IFT81: variants seen among roughly 807,000 people sequenced by gnomAD.
The protein encoded by IFT81 is intraflagellar transport 81, also known as intraflagellar transport protein 81 homolog.
IFT81 carries 72 observed loss-of-function variants against 102.6 expected under a neutral mutation model. The ratio of observed to expected loss-of-function variants is 0.70; its 90% confidence interval spans 0.58 to 0.85. The LOEUF (loss-of-function observed/expected upper bound fraction) is 0.85, where lower values mean the gene tolerates loss of function less well. Ranked by LOEUF, IFT81 falls within the 40% of genes least tolerant of loss-of-function variation. The pLI is 0.00. For missense variants in IFT81, 723 were observed against 787.3 expected, an observed-to-expected ratio of 0.92 and a Z score of 0.98; for synonymous variants, 237 against 242.7, an observed-to-expected ratio of 0.98 and a Z score of 0.22.
chr12:110,179,773 T>TACACACACAC lies in IFT81; in HGVS notation c.1189-625_1189-616dup, dbSNP rs34207126. On this transcript the variant is annotated intron_variant, in intron 11 of 18. Transcript: ENST00000242591. Reference sequence around the variant, plus strand: ...ATATATATATATATATATATATATATACACACACACACACACACACACACA... The same window carrying TACACACACAC: ...ATATATATATATATATATATATATATACACACACACACACACACACACACACACACACACA... Among the ~76,000 whole-genome samples the TACACACACAC allele has an allele frequency of 0.014, 703 of 50,300 alleles. 46 individuals carry two copies. The East Asian group carries it at 0.15, about 11-fold the overall frequency. 33.0% of individuals were successfully genotyped at this position (50,300 alleles called of 152,430 possible).
At chr12:110,210,102 C>T (rs1259336060) in intron 18 of IFT81, among the ~76,000 whole-genome samples, 3 of 152,080 alleles carry the variant, frequency 2.0e-5, no homozygotes, top group Non-Finnish European at 4.4e-5. Flanking sequence ...CTTCATAAAG[C>T]AACCAATTTA....
chr12:110,214,688 G>A (rs576431875), intron 18 of IFT81, among the ~76,000 whole-genome samples: 5 of 152,238 alleles, frequency 3.3e-5, no homozygotes, highest in African/African-American at 1.2e-4. Context: ...AAACACACAT[G>A]GTTATGAAGC....
At chr12:110,209,938 G>C (rs1314355194) in intron 18 of IFT81, among the ~76,000 whole-genome samples, 1 of 152,054 alleles carries the variant, frequency 6.6e-6, no homozygotes, top group Non-Finnish European at 1.5e-5. Flanking sequence ...GAGATGCTCA[G>C]CTCCCTCCTG....
chr12:110,153,181 T>C (rs1895638571), intron 10 of IFT81, among the ~76,000 whole-genome samples: 1 of 152,226 alleles, frequency 6.6e-6, no homozygotes, highest in Non-Finnish European at 1.5e-5. Flanking sequence ...TAGGAAGTTA[T>C]GCTACTCTTC....
At chr12:110,194,523 C>T (rs1337946847) in intron 14 of IFT81, among the ~76,000 whole-genome samples, 1 of 152,034 alleles carries the variant, frequency 6.6e-6, no homozygotes, top group African/African-American at 2.4e-5. Context: ...GTCCTCCCAC[C>T]TCAGGCTTCC....
intron 11 of IFT81, among the ~76,000 whole-genome samples, chr12:110,179,767 T>TAC (rs1201027708): frequency 1.5e-3 from 100 of 66,736 alleles, no homozygotes; most frequent in African/African-American, 2.5e-3. Flanking sequence ...TATATATATA[T>TAC]ATATATACAC....
At chr12:110,215,453 C>CT (rs556887393) in intron 18 of IFT81, among the ~76,000 whole-genome samples, 2,545 of 61,780 alleles carry the variant, frequency 0.041, 842 homozygotes, top group African/African-American at 0.092. Flanking sequence ...TCTTCTTCTT[C>CT]TTTTTTTTTT....
rs555776141 is a variant in IFT81, at chr12:110,154,627, A to G, written c.1041+7579A>G. Among the ~76,000 whole-genome samples, 5 of 146,820 alleles carry G rather than the reference A, an allele frequency of 3.4e-5. No homozygotes were observed. In the South Asian group the frequency reaches 1.1e-3, roughly 32 times the overall value. On this transcript the variant is annotated intron_variant, in intron 10 of 18. Coordinates refer to ENST00000242591, the MANE Select transcript of IFT81 (RefSeq NM_014055.4). ...GGGTGACAGAGCAAGACTCTGTCTC[A>G]CAAAAAAAAAAAAAAAAGAAAAAGA...
At chr12:110,128,022 T>A in intron 2 of IFT81, 24 bp from the exon 3 acceptor site, 2 of 1,487,500 alleles carry the variant, frequency 1.3e-6, no homozygotes, top group Admixed American at 1.7e-5. Context: ...AACAATAACA[T>A]GTTTTTTTCA....
intron 18 of IFT81, among the ~76,000 whole-genome samples, chr12:110,213,468 G>C (rs935656478): frequency 2.0e-5 from 3 of 152,168 alleles, no homozygotes; most frequent in African/African-American, 7.2e-5. Context: ...TTCATAGATG[G>C]TGGTATGTGC....
chr12:110,202,457 CT>C (rs1472257322), intron 14 of IFT81, among the ~76,000 whole-genome samples: 320 of 144,122 alleles, frequency 2.2e-3, no homozygotes, highest in Middle Eastern at 3.6e-3. Flanking sequence ...GTGATTCCAC[CT>C]TTTTTTTTTT....
At chr12:110,146,870 A>G in intron 9 of IFT81, 83 bp from the exon 10 acceptor site, 1 of 1,392,996 alleles carries the variant, frequency 7.2e-7, no homozygotes, top group Non-Finnish European at 9.4e-7. Flanking sequence ...ATAAATTCAA[A>G]GCTGGTTTGG....
At chr12:110,162,293 A>G (rs1896174910) in intron 10 of IFT81, 1 of 148,948 alleles carries the variant, frequency 6.7e-6, no homozygotes, top group Non-Finnish European at 1.5e-5. Context: ...TATTTTCATT[A>G]GCATTTGAGT....
chr12:110,148,858 G>C (rs1895368493), intron 10 of IFT81, among the ~76,000 whole-genome samples: 1 of 152,114 alleles, frequency 6.6e-6, no homozygotes, highest in Non-Finnish European at 1.5e-5. Flanking sequence ...CAGGGTACAT[G>C]CTTTGTTTTT....
chr12:110,183,476 T>G (rs1897392526), intron 12 of IFT81, among the ~76,000 whole-genome samples: 1 of 152,178 alleles, frequency 6.6e-6, no homozygotes, highest in Admixed American at 6.5e-5. Context: ...CCCATGCTAT[T>G]TGGCTCATAC....
At chr12:110,126,515 C>T (rs1893853422) in intron 1 of IFT81, among the ~76,000 whole-genome samples, 1 of 151,886 alleles carries the variant, frequency 6.6e-6, no homozygotes, top group Non-Finnish European at 1.5e-5. Flanking sequence ...GAGAAAGCAA[C>T]ATTAACTAAA....
In IFT81 at chr12:110,186,288, G is replaced by A. The variant is rs77621743; in HGVS notation, c.1339-4632G>A. Among the ~76,000 whole-genome samples the A allele has an allele frequency of 6.9e-3, 1,046 of 151,984 alleles. 1 individual carries two copies. The highest frequency in any genetic ancestry group is 9.5e-3 in the Non-Finnish European group (643 of 67,976). On this transcript the variant is annotated intron_variant, in intron 12 of 18. Coordinates refer to ENST00000242591, the MANE Select transcript of IFT81 (RefSeq NM_014055.4). ...TTGTTTGTTTGTTTTAAGGTAGACT[G>A]TTATTCTCTGGTTTGTAAGATCTTC...
At chr12:110,188,701 G>C (rs1897660901) in intron 12 of IFT81, among the ~76,000 whole-genome samples, 1 of 150,964 alleles carries the variant, frequency 6.6e-6, no homozygotes, top group South Asian at 2.1e-4. Flanking sequence ...AAGGTGGGTG[G>C]ATCATGAGGT....
chr12:110,208,122 T>G (rs1303596414), intron 17 of IFT81, among the ~76,000 whole-genome samples: 1 of 152,174 alleles, frequency 6.6e-6, no homozygotes, highest in Non-Finnish European at 1.5e-5. Context: ...CTGATACATC[T>G]GTATATATGT....
Sources: allele counts gnomAD v4.1 joint callset (sites outside exome capture counted in the v4.1 genomes callset), GRCh38; gene constraint gnomAD v4.1.1; transcripts MANE v1.5; gene names NCBI Gene and HGNC (gene_info 2026-07-23, HGNC 2026-07-21).